NELL1: variants seen among roughly 807,000 people sequenced by gnomAD.
NELL1 encodes the protein neural EGFL like 1.
NELL1 carries 76 observed loss-of-function variants against 107.4 expected under a neutral mutation model. The observed-to-expected ratio is 0.71, with a 90% CI of 0.59 to 0.86. The LOEUF is 0.86. Among genes scored for constraint, NELL1 ranks in the 40% least tolerant of loss-of-function variants. The pLI, the probability that NELL1 is intolerant of heterozygous loss-of-function variation, is 0.00. For synonymous variants in NELL1, 353 were observed against 341.2 expected (o/e 1.03, Z -0.38); for missense variants, 1,024 against 1,005.5 (o/e 1.02, Z -0.25).
chr11:21,413,243 C>T (rs1363816891), intron 15 of NELL1, among the ~76,000 whole-genome samples: 3 of 151,758 alleles, frequency 2.0e-5, no homozygotes, highest in Non-Finnish European at 4.4e-5. Context: ...GATGGAGATG[C>T]GAGATAAACC....
At chr11:20,695,506 C>A (rs144631838) in intron 2 of NELL1, among the ~76,000 whole-genome samples, 2 of 151,946 alleles carry the variant, frequency 1.3e-5, no homozygotes, top group African/African-American at 4.8e-5. Context: ...CATAAAGAGA[C>A]GTTGGATTTT....
chr11:21,534,041 T>C (rs1245460776), intron 15 of NELL1, among the ~76,000 whole-genome samples: 1 of 151,920 alleles, frequency 6.6e-6, no homozygotes, highest in Admixed American at 6.6e-5. Flanking sequence ...AAATTTTTAA[T>C]CCAAAAAAAA....
intron 2 of NELL1, among the ~76,000 whole-genome samples, chr11:20,705,601 G>A (rs867039245): frequency 0.011 from 1,475 of 140,392 alleles, 258 homozygotes; most frequent in African/African-American, 0.037. Flanking sequence ...GGACATAGGC[G>A]TGGGCAAGGA....
chr11:21,367,838 A>T (rs1361413320), intron 14 of NELL1, among the ~76,000 whole-genome samples: 1 of 152,070 alleles, frequency 6.6e-6, no homozygotes. Flanking sequence ...CTGCCAGCCC[A>T]TCTCCTCACA....
intron 2 of NELL1, among the ~76,000 whole-genome samples, chr11:20,727,482 A>G (rs1338673758): frequency 2.0e-5 from 3 of 152,156 alleles, no homozygotes; most frequent in African/African-American, 4.8e-5. Context: ...CGTTCATTGT[A>G]GATTCTGGAT....
intron 3 of NELL1, among the ~76,000 whole-genome samples, chr11:20,821,680 G>C (rs573366951): frequency 6.6e-6 from 1 of 152,172 alleles, no homozygotes; most frequent in Non-Finnish European, 1.5e-5. Context: ...TTTTAATAGA[G>C]CCTCAGCAGC....
chr11:20,778,690 T>G (rs990852517), intron 2 of NELL1, among the ~76,000 whole-genome samples: 1 of 152,122 alleles, frequency 6.6e-6, no homozygotes, highest in African/African-American at 2.4e-5. Context: ...TTCCCCCGTT[T>G]TAAAAATGTG....
chr11:21,125,228 AGC>A (rs1855461224), intron 13 of NELL1, among the ~76,000 whole-genome samples: 1 of 152,174 alleles, frequency 6.6e-6, no homozygotes, highest in Non-Finnish European at 1.5e-5. Flanking sequence ...TACTAAGGGG[AGC>A]CTGAAAAGAC....
chr11:21,447,613 C>T (rs1052531095), intron 15 of NELL1, among the ~76,000 whole-genome samples: 3 of 152,160 alleles, frequency 2.0e-5, no homozygotes, highest in Non-Finnish European at 4.4e-5. Context: ...TCTCTTCCCT[C>T]TCCTCTCCTC....
At chr11:20,810,624 G>A (rs1279882908) in intron 3 of NELL1, among the ~76,000 whole-genome samples, 1 of 152,120 alleles carries the variant, frequency 6.6e-6, no homozygotes, top group Admixed American at 6.6e-5. Context: ...TGATTGATGG[G>A]CATTTGGGTT....
chr11:21,138,032 A>G (rs913518810), intron 13 of NELL1, among the ~76,000 whole-genome samples: 2 of 152,170 alleles, frequency 1.3e-5, no homozygotes, highest in African/African-American at 4.8e-5. Context: ...TCACATTCTC[A>G]GCACTTTGTT....
rs778017968 is a variant in NELL1 at position 20,669,817 on chromosome 11, G to T, written c.55+39G>T. The T allele has an allele frequency of 6.3e-7, 1 of 1,574,948 alleles. No homozygotes were observed. Among genetic ancestry groups the T allele is most frequent in the Non-Finnish European group, 8.7e-7 (1 of 1,145,030 alleles). On this transcript the variant is annotated intron_variant, in intron 1 of 19. Coordinates refer to ENST00000357134, the MANE Select transcript of NELL1 (RefSeq NM_006157.5). This position sits in a 1 kb window ranked among gnomAD's most constrained non-coding sequence, Gnocchi z 4.4. The stretch of plus-strand genomic sequence containing the variant: ...TGGCGGTTAGAGGGATCCGGGAAAT[G>T]GGGGTGCCCACAGACCACGGCGGCG...
At chr11:20,991,063 G>C (rs1043371022) in intron 12 of NELL1, among the ~76,000 whole-genome samples, 1 of 152,198 alleles carries the variant, frequency 6.6e-6, no homozygotes, top group African/African-American at 2.4e-5. Flanking sequence ...GATGGCCTCT[G>C]ATTCCTAGGA....
At chr11:20,726,361 G>A (rs1033608948) in intron 2 of NELL1, among the ~76,000 whole-genome samples, 8 of 151,844 alleles carry the variant, frequency 5.3e-5, no homozygotes, top group African/African-American at 1.9e-4. Context: ...CAACTTGCTG[G>A]GTTTATGCAA....
At chr11:21,535,249 T>C (rs1021387679) in intron 16 of NELL1, among the ~76,000 whole-genome samples, 4 of 152,096 alleles carry the variant, frequency 2.6e-5, no homozygotes, top group African/African-American at 9.7e-5. Flanking sequence ...CATAACTGTT[T>C]CCATGAGAAC....
intron 5 of NELL1, among the ~76,000 whole-genome samples, chr11:20,914,283 A>G (rs1850197392): frequency 6.6e-6 from 1 of 152,132 alleles, no homozygotes; most frequent in Non-Finnish European, 1.5e-5. Context: ...TGCTTTATAC[A>G]TCTTAGGGAG....
chr11:20,761,846 A>G (rs1350436073), intron 2 of NELL1, among the ~76,000 whole-genome samples: 1 of 152,220 alleles, frequency 6.6e-6, no homozygotes, highest in Non-Finnish European at 1.5e-5. Flanking sequence ...CATTTGATAA[A>G]TGTTGATGGT....
chr11:21,477,921 A>G (rs936918435), intron 15 of NELL1, among the ~76,000 whole-genome samples: 1 of 33,108 alleles, frequency 3.0e-5, no homozygotes, highest in East Asian at 6.1e-3. Flanking sequence ...AATTATAATA[A>G]AAAGAAGCAG....
At chr11:20,931,388 G>A (rs907106409) in intron 9 of NELL1, among the ~76,000 whole-genome samples, 2 of 152,330 alleles carry the variant, frequency 1.3e-5, no homozygotes, top group Admixed American at 1.3e-4. Context: ...GGAATTTCTA[G>A]ATGTTTCCAA....
Sources: gnomAD v4.1 joint callset for allele counts (sites outside exome capture counted in the v4.1 genomes callset) on GRCh38, gnomAD v4.1.1 for gene constraint, Gnocchi (gnomAD v3.1) non-coding constraint, MANE v1.5 for transcripts, NCBI Gene and HGNC (gene_info 2026-07-23, HGNC 2026-07-21) for gene names.